NKAIN2: variants seen among roughly 807,000 people sequenced by gnomAD.
NKAIN2 encodes sodium/potassium-transporting ATPase subunit beta-1-interacting protein 2.
NKAIN2 carries 14 observed loss-of-function variants against 32.6 expected under a neutral mutation model. That is an observed-to-expected ratio of 0.43 (90% CI 0.28 to 0.67). The LOEUF (loss-of-function observed/expected upper bound fraction) is 0.67. Ranked by LOEUF, NKAIN2 falls within the 30% of genes least tolerant of loss-of-function variation. The probability of loss-of-function intolerance (pLI) is 0.17; values close to 1 mark genes in which losing one functional copy is unlikely to be tolerated. For missense variants in NKAIN2, 198 were observed against 258.3 expected (o/e 0.77, Z 1.60); for synonymous variants, 80 against 87.2 (o/e 0.92, Z 0.46).
At chr6:124,794,783 G>C (rs1474421666) in intron 5 of NKAIN2, 2 of 507,706 alleles carry the variant, frequency 3.9e-6, no homozygotes, top group Non-Finnish European at 5.1e-6. Flanking sequence ...GTATCTTTTG[G>C]TTACAATGCT....
intron 1 of NKAIN2, among the ~76,000 whole-genome samples, chr6:124,183,644 G>A (rs1474812124): frequency 6.6e-6 from 1 of 152,028 alleles, no homozygotes; most frequent in Non-Finnish European, 1.5e-5. Context: ...TATTACTGAT[G>A]TAACATCCTT....
rs1467226382 is a variant in NKAIN2 at position 124,506,474 on chromosome 6, G to T, written c.273+151127G>T. 4.6e-5 allele frequency among the ~76,000 whole-genome samples: 7 copies of T among 152,294 alleles called. No individual in the cohort carries two copies. In the East Asian group the frequency reaches 1.2e-3, roughly 25 times the overall value. On this transcript the variant is annotated intron_variant, in intron 3 of 6. Coordinates refer to ENST00000368417, the MANE Select transcript of NKAIN2 (RefSeq NM_001040214.3). ...TTGGGCTCATCCCCGAACGGTCAGT[G>T]AGTTGAAGAGCTATTAAATTTGCCA...
At chr6:124,079,332 G>A (rs1355148396) in intron 1 of NKAIN2, among the ~76,000 whole-genome samples, 1 of 151,966 alleles carries the variant, frequency 6.6e-6, no homozygotes, top group Non-Finnish European at 1.5e-5. Context: ...AAATAAAAAA[G>A]AGAAAAAACA....
intron 6 of NKAIN2, among the ~76,000 whole-genome samples, chr6:124,819,668 C>T (rs559149533): frequency 5.9e-5 from 9 of 152,136 alleles, no homozygotes; most frequent in South Asian, 2.1e-4. Flanking sequence ...TAAAGTACTG[C>T]GCTGATGATT....
chr6:124,391,050 GC>G (rs1773121359), intron 3 of NKAIN2: 2 of 152,054 alleles, frequency 1.3e-5, no homozygotes, highest in African/African-American at 2.4e-5. Context: ...AGAAATTTTT[GC>G]TTTCTTGCCC....
intron 1 of NKAIN2, among the ~76,000 whole-genome samples, chr6:123,928,855 C>T (rs1776128313): frequency 6.6e-6 from 1 of 152,070 alleles, no homozygotes; most frequent in Non-Finnish European, 1.5e-5. Context: ...AGGAATGAAG[C>T]ACAAATTTCT....
chr6:124,290,154 G>A (rs1484451508), intron 2 of NKAIN2, among the ~76,000 whole-genome samples: 1 of 152,070 alleles, frequency 6.6e-6, no homozygotes, highest in Non-Finnish European at 1.5e-5. Flanking sequence ...TCAAAAGAAT[G>A]TGTTCCCTTG....
chr6:124,092,327 G>A (rs897878149), intron 1 of NKAIN2, among the ~76,000 whole-genome samples: 3 of 151,886 alleles, frequency 2.0e-5, no homozygotes, highest in African/African-American at 7.2e-5. Context: ...TTCTGTGCTT[G>A]GTTTTATCTC....
At chr6:123,813,794 G>A (rs1316926027) in intron 1 of NKAIN2, among the ~76,000 whole-genome samples, 4 of 151,812 alleles carry the variant, frequency 2.6e-5, no homozygotes, top group African/African-American at 9.7e-5. Flanking sequence ...GCAACAGAGC[G>A]AAATCCCATC....
intron 1 of NKAIN2, among the ~76,000 whole-genome samples, chr6:124,183,014 G>T (rs769826759): frequency 6.6e-6 from 1 of 152,032 alleles, no homozygotes; most frequent in Non-Finnish European, 1.5e-5. Context: ...TGTGAGATGA[G>T]GAATTAATTA....
At chr6:124,413,784 A>G (rs372717484) in intron 3 of NKAIN2, among the ~76,000 whole-genome samples, 110 of 152,270 alleles carry the variant, frequency 7.2e-4, no homozygotes, top group African/African-American at 2.6e-3. Flanking sequence ...TAAATATTTC[A>G]TATTTTTGAT....
intron 1 of NKAIN2, among the ~76,000 whole-genome samples, chr6:124,077,310 T>C (rs528246074): frequency 6.6e-6 from 1 of 152,348 alleles, no homozygotes; most frequent in East Asian, 1.9e-4. Flanking sequence ...TTCATACATG[T>C]ATTTTATTTT....
At chr6:124,608,916 G>A (rs1265586970) in intron 3 of NKAIN2, among the ~76,000 whole-genome samples, 2 of 152,160 alleles carry the variant, frequency 1.3e-5, no homozygotes, top group East Asian at 1.9e-4. Flanking sequence ...GACATTCGAG[G>A]TAGGCAATAT....
At chr6:124,148,105 G>T (rs1306424320) in intron 1 of NKAIN2, among the ~76,000 whole-genome samples, 1 of 151,766 alleles carries the variant, frequency 6.6e-6, no homozygotes, top group Non-Finnish European at 1.5e-5. Context: ...TTTGAGTAAA[G>T]ATTTTCATTA....
intron 4 of NKAIN2, among the ~76,000 whole-genome samples, chr6:124,691,666 C>G (rs966500929): frequency 2.6e-5 from 4 of 152,154 alleles, no homozygotes; most frequent in Non-Finnish European, 5.9e-5. Context: ...AAAGTCTACT[C>G]TGGCCAAATA....
chr6:124,155,704 G>A (rs1787951223), intron 1 of NKAIN2, among the ~76,000 whole-genome samples: 2 of 151,614 alleles, frequency 1.3e-5, no homozygotes, highest in African/African-American at 4.8e-5. Flanking sequence ...AGGAAAATAA[G>A]AAGCAGATTA....
At chr6:124,212,157 C>G (rs972071950) in intron 1 of NKAIN2, among the ~76,000 whole-genome samples, 20 of 152,166 alleles carry the variant, frequency 1.3e-4, no homozygotes, top group African/African-American at 4.8e-4. Flanking sequence ...TCTCTAGTGA[C>G]ATTTGTAATA....
At position 124,472,608 on chromosome 6, in the gene NKAIN2, C is replaced by T. The variant is rs114272287; in HGVS notation, c.273+117261C>T. 7.8e-3 allele frequency among the ~76,000 whole-genome samples: 1,177 copies of T among 151,592 alleles called. 15 individuals are homozygous for T. The highest frequency in any genetic ancestry group is 0.027 in the African/African-American group (1,126 of 41,296). ...GCAGACACAGAATGGGTTCGAGCATCGTGATTAGCATAAACAATGATACAC... is the reference window on the plus strand; with the variant it reads ...GCAGACACAGAATGGGTTCGAGCATTGTGATTAGCATAAACAATGATACAC... On this transcript the variant is annotated intron_variant, in intron 3 of 6. Transcript: ENST00000368417.
At chr6:123,913,467 T>C (rs1425705741) in intron 1 of NKAIN2, among the ~76,000 whole-genome samples, 2 of 152,148 alleles carry the variant, frequency 1.3e-5, no homozygotes, top group Admixed American at 6.6e-5. Context: ...TTACTGCTGG[T>C]TGCAAAGTGC....
Sources: allele counts gnomAD v4.1 joint callset (sites outside exome capture counted in the v4.1 genomes callset), GRCh38; gene constraint gnomAD v4.1.1; transcripts MANE v1.5; gene names NCBI Gene and HGNC (gene_info 2026-07-23, HGNC 2026-07-21).